SLC24A2: variants seen among roughly 807,000 people sequenced by gnomAD.
SLC24A2 encodes solute carrier family 24 member 2.
SLC24A2 carries 36 observed loss-of-function variants against 62.0 expected under a neutral mutation model. The observed-to-expected ratio is 0.58, with a 90% CI of 0.44 to 0.77. The LOEUF (loss-of-function observed/expected upper bound fraction) is 0.77. Among genes scored for constraint, SLC24A2 ranks in the 30% least tolerant of loss-of-function variants. SLC24A2 has a pLI of 0.00. For missense variants in SLC24A2, 846 were observed against 817.9 expected (o/e 1.03, Z -0.42); for synonymous variants, 358 against 294.0 (o/e 1.22, Z -2.23).
chr9:19,824,327 G>GA, the SLC24A2 span, among the ~76,000 whole-genome samples: 55 of 151,750 alleles, frequency 3.6e-4, no homozygotes, highest in Non-Finnish European at 6.2e-4. Flanking sequence ...AAATTTACAA[G>GA]AAAAAAACAA....
At chr9:20,258,095 G>A in the SLC24A2 span, among the ~76,000 whole-genome samples, 2 of 152,162 alleles carry the variant, frequency 1.3e-5, no homozygotes, top group African/African-American at 4.8e-5. Context: ...ACCCCATGTG[G>A]TAGGGAGAAT....
At chr9:20,037,073 C>T in the SLC24A2 span, among the ~76,000 whole-genome samples, 6 of 151,842 alleles carry the variant, frequency 4.0e-5, no homozygotes, top group Non-Finnish European at 8.8e-5. Flanking sequence ...TTTTTTTGTA[C>T]TTTTAGTAGA....
At chr9:20,048,315 G>T in the SLC24A2 span, among the ~76,000 whole-genome samples, 1 of 152,204 alleles carries the variant, frequency 6.6e-6, no homozygotes, top group South Asian at 2.1e-4. Flanking sequence ...TACATAATTT[G>T]CTTGATAAGT....
At chr9:19,813,273 C>G in the SLC24A2 span, among the ~76,000 whole-genome samples, 1 of 150,704 alleles carries the variant, frequency 6.6e-6, no homozygotes, top group Non-Finnish European at 1.5e-5. Context: ...CAGAGAGAAG[C>G]AGTTGCAAAT....
chr9:19,697,740 C>G (rs1197536739), intron 2 of SLC24A2, among the ~76,000 whole-genome samples: 2 of 152,014 alleles, frequency 1.3e-5, no homozygotes, highest in Non-Finnish European at 2.9e-5. Flanking sequence ...GAAAAAGATC[C>G]TCAAAGAAGA....
the SLC24A2 span, among the ~76,000 whole-genome samples, chr9:20,157,670 T>C: frequency 6.6e-6 from 1 of 151,594 alleles, no homozygotes; most frequent in African/African-American, 2.4e-5. Context: ...ACCTTGTTTC[T>C]GGTGGAGAAT....
chr9:19,706,403 G>A (rs1026255897), intron 2 of SLC24A2, among the ~76,000 whole-genome samples: 70 of 145,494 alleles, frequency 4.8e-4, no homozygotes, highest in African/African-American at 1.2e-3. Context: ...TTTTTGAGAC[G>A]GAGTTTCGCT....
chr9:19,530,961 G>A (rs1322763242), intron 8 of SLC24A2, among the ~76,000 whole-genome samples: 1 of 152,012 alleles, frequency 6.6e-6, no homozygotes, highest in South Asian at 2.1e-4. Context: ...AAGAAAAACA[G>A]GGCCAATAAT....
At chr9:19,545,160 CTTCAT>C (rs957045541) in intron 8 of SLC24A2, among the ~76,000 whole-genome samples, 42 of 151,880 alleles carry the variant, frequency 2.8e-4, no homozygotes, top group African/African-American at 1.0e-3. Context: ...TGTCTTCTCA[CTTCAT>C]TTCATTAAGT....
At chr9:19,575,813 G>T (rs1049988415) in intron 6 of SLC24A2, among the ~76,000 whole-genome samples, 12 of 152,180 alleles carry the variant, frequency 7.9e-5, no homozygotes, top group Non-Finnish European at 1.5e-4. Context: ...GTCAACATGT[G>T]AAGCAGAAAA....
chr9:19,983,494 T>C, the SLC24A2 span, among the ~76,000 whole-genome samples: 1 of 151,800 alleles, frequency 6.6e-6, no homozygotes, highest in Non-Finnish European at 1.5e-5. Context: ...AACACAAAAA[T>C]TACCCGGGCA....
At chr9:20,235,536 CG>C in the SLC24A2 span, among the ~76,000 whole-genome samples, 1 of 152,212 alleles carries the variant, frequency 6.6e-6, no homozygotes, top group Non-Finnish European at 1.5e-5. Flanking sequence ...GAGCCATATG[CG>C]GGATATAATC....
the SLC24A2 span, among the ~76,000 whole-genome samples, chr9:20,216,394 G>A: frequency 2.0e-5 from 3 of 152,182 alleles, no homozygotes; most frequent in Non-Finnish European, 4.4e-5. Flanking sequence ...GCAGAAAATG[G>A]TTGGAGGGAG....
At chr9:19,906,249 G>A in the SLC24A2 span, among the ~76,000 whole-genome samples, 3 of 151,772 alleles carry the variant, frequency 2.0e-5, no homozygotes, top group African/African-American at 7.3e-5. Flanking sequence ...ACGAAATGAA[G>A]GCAGAAATAA....
intron 2 of SLC24A2, among the ~76,000 whole-genome samples, chr9:19,725,369 G>T (rs2118677178): frequency 6.6e-6 from 1 of 152,262 alleles, no homozygotes; most frequent in African/African-American, 2.4e-5. Flanking sequence ...AAGAGTGAAT[G>T]CCAATCCAAA....
At chr9:20,142,332 A>T in the SLC24A2 span, among the ~76,000 whole-genome samples, 1 of 152,154 alleles carries the variant, frequency 6.6e-6, no homozygotes, top group Non-Finnish European at 1.5e-5. Context: ...TTCCTAAGCT[A>T]CTAGCAAATA....
chr9:19,859,888 G>A, the SLC24A2 span, among the ~76,000 whole-genome samples: 1 of 152,188 alleles, frequency 6.6e-6, no homozygotes, highest in East Asian at 1.9e-4. Context: ...CACATAAGGA[G>A]GGTGCATTTA....
At chr9:19,805,799 G>A in the SLC24A2 span, among the ~76,000 whole-genome samples, 1 of 147,926 alleles carries the variant, frequency 6.8e-6, no homozygotes, top group African/African-American at 2.5e-5. Flanking sequence ...GGTTTTGTGT[G>A]GCCTAAAGCT....
the SLC24A2 span, among the ~76,000 whole-genome samples, chr9:20,027,609 G>C: frequency 4.2e-4 from 64 of 152,270 alleles, 1 homozygote; most frequent in East Asian, 0.011. Context: ...TGATCTCATA[G>C]AAGTAGAGAG....
Sources: gnomAD v4.1 joint callset for allele counts (sites outside exome capture counted in the v4.1 genomes callset) on GRCh38, gnomAD v4.1.1 for gene constraint, MANE v1.5 for transcripts, NCBI Gene and HGNC (gene_info 2026-07-23, HGNC 2026-07-21) for gene names.